Variants in RUNX1 observed in about 807,000 individuals in gnomAD.
The protein encoded by RUNX1 is runt-related transcription factor 1.
A neutral mutation model predicts 42.8 loss-of-function variants in RUNX1; 19 were observed. The ratio of observed to expected loss-of-function variants is 0.44; its 90% confidence interval spans 0.31 to 0.65. The LOEUF (loss-of-function observed/expected upper bound fraction) is 0.65. RUNX1 is among the 30% of genes least tolerant of loss of function. RUNX1 has a pLI of 0.07. For synonymous variants in RUNX1, 271 were observed against 289.4 expected, an observed-to-expected ratio of 0.94 and a Z score of 0.64; for missense variants, 528 against 672.0, an observed-to-expected ratio of 0.79 and a Z score of 2.37.
chr21:34,888,783 G>T, intron 3 of RUNX1: 1 of 713,328 alleles, frequency 1.4e-6, no homozygotes, highest in Non-Finnish European at 1.7e-6. Context: ...GCGGCCGGCG[G>T]CCAATCACAG....
chr21:34,803,958 A>G (rs2056644084), intron 7 of RUNX1, among the ~76,000 whole-genome samples: 1 of 152,228 alleles, frequency 6.6e-6, no homozygotes, highest in South Asian at 2.1e-4. Flanking sequence ...AAATTTAAAG[A>G]GCTTGAGAGT....
At chr21:34,918,340 C>T (rs141423972) in intron 2 of RUNX1, among the ~76,000 whole-genome samples, 60 of 152,090 alleles carry the variant, frequency 3.9e-4, no homozygotes, top group Middle Eastern at 3.4e-3. Context: ...TGACAATTGT[C>T]CCCTGGTCTG....
intron 2 of RUNX1, among the ~76,000 whole-genome samples, chr21:35,012,323 G>A (rs1378374429): frequency 2.0e-5 from 3 of 152,148 alleles, no homozygotes; most frequent in Non-Finnish European, 4.4e-5. Context: ...CTAGGATTAT[G>A]AGAGAAAAAC....
intron 2 of RUNX1, among the ~76,000 whole-genome samples, chr21:34,964,447 C>T (rs941369288): frequency 1.9e-4 from 28 of 150,246 alleles, no homozygotes; most frequent in Admixed American, 6.0e-4. Context: ...GAGATTGCAC[C>T]ACTGCACTCC....
chr21:34,880,092 C>T (rs1194183334), intron 5 of RUNX1, among the ~76,000 whole-genome samples: 1 of 152,178 alleles, frequency 6.6e-6, no homozygotes, highest in Non-Finnish European at 1.5e-5. Flanking sequence ...GTTTCAACAT[C>T]ATACACTAGA....
chr21:35,000,641 C>G (rs2059034939), intron 2 of RUNX1, among the ~76,000 whole-genome samples: 1 of 152,172 alleles, frequency 6.6e-6, no homozygotes, highest in South Asian at 2.1e-4. Flanking sequence ...AGGCAGATAG[C>G]TATTTTATTC....
chr21:35,011,690 A>G (rs1048187870), intron 2 of RUNX1, among the ~76,000 whole-genome samples: 2 of 152,236 alleles, frequency 1.3e-5, no homozygotes, highest in African/African-American at 4.8e-5. Context: ...TCACTTCAAC[A>G]GCGAGTGGAA....
At chr21:35,025,657 G>T (rs764854009) in intron 2 of RUNX1, among the ~76,000 whole-genome samples, 4 of 152,086 alleles carry the variant, frequency 2.6e-5, no homozygotes, top group Non-Finnish European at 5.9e-5. Flanking sequence ...TTAGGTCAAG[G>T]GGCCTTCAGC....
chr21:34,843,711 G>C lies in RUNX1; in HGVS notation c.614-9110C>G, dbSNP rs554294675. Among the ~76,000 whole-genome samples the C allele has an allele frequency of 6.6e-6, 1 of 152,204 alleles. No homozygotes were observed. Among genetic ancestry groups the C allele is most frequent in the South Asian group, 2.1e-4 (1 of 4,814 alleles). On this transcript the variant is annotated intron_variant, in intron 6 of 8. Transcript: ENST00000675419. This position sits in a 1 kb window ranked among gnomAD's most constrained non-coding sequence, Gnocchi z 4.8. ...TGCACCATGCGCCCAAGACTCACGG[G>C]ACAAAAACCCAAACAAAACTCTGCT...
intron 2 of RUNX1, among the ~76,000 whole-genome samples, chr21:34,941,046 C>G (rs879705777): frequency 6.6e-6 from 1 of 152,204 alleles, no homozygotes; most frequent in Admixed American, 6.5e-5. Context: ...GGTCTTTCCT[C>G]AGGTTCCTGT....
At chr21:34,897,937 G>A (rs974827028) in intron 2 of RUNX1, among the ~76,000 whole-genome samples, 1 of 152,170 alleles carries the variant, frequency 6.6e-6, no homozygotes, top group African/African-American at 2.4e-5. Context: ...GCAACAGAGA[G>A]ATTTTCCTGG....
At chr21:34,799,235 C>T (rs2056573172) in intron 8 of RUNX1, 66 bp downstream of exon 8, 1 of 1,547,516 alleles carries the variant, frequency 6.5e-7, no homozygotes, top group Admixed American at 1.7e-5. Flanking sequence ...CTCCTTCATG[C>T]ACCTCTAGTC....
chr21:35,013,662 A>C (rs894160632), intron 2 of RUNX1, among the ~76,000 whole-genome samples: 1 of 152,250 alleles, frequency 6.6e-6, no homozygotes, highest in Non-Finnish European at 1.5e-5. Flanking sequence ...CTTTCCAGAA[A>C]GGGCAATGTG....
chr21:34,915,052 T>G (rs1442710112), intron 2 of RUNX1, among the ~76,000 whole-genome samples: 1 of 152,202 alleles, frequency 6.6e-6, no homozygotes, highest in Non-Finnish European at 1.5e-5. Flanking sequence ...TAACGATTCC[T>G]CCTTTACAGC....
At chr21:34,872,692 G>C (rs1022321516) in intron 5 of RUNX1, among the ~76,000 whole-genome samples, 2 of 152,108 alleles carry the variant, frequency 1.3e-5, no homozygotes, top group African/African-American at 4.8e-5. Flanking sequence ...CGCATGACTG[G>C]AGCTAGATGA....
intron 2 of RUNX1, among the ~76,000 whole-genome samples, chr21:34,896,690 G>GAAAAT (rs1259187064): frequency 6.6e-6 from 1 of 151,796 alleles, no homozygotes; most frequent in African/African-American, 2.4e-5. Flanking sequence ...CTCATAAAAA[G>GAAAAT]AAAAGAAAAG....
intron 2 of RUNX1, among the ~76,000 whole-genome samples, chr21:34,971,860 T>C (rs1014582824): frequency 6.6e-6 from 1 of 152,182 alleles, no homozygotes; most frequent in Non-Finnish European, 1.5e-5. Context: ...GGTTCACCAG[T>C]GCCTAATAAA....
chr21:35,014,862 C>G (rs911209866), intron 2 of RUNX1, among the ~76,000 whole-genome samples: 4 of 152,274 alleles, frequency 2.6e-5, no homozygotes, highest in Non-Finnish European at 2.9e-5. Context: ...ATTGCGACTT[C>G]TCTGTTCGTC....
intron 2 of RUNX1, among the ~76,000 whole-genome samples, chr21:34,942,544 T>C (rs16992541): frequency 2.3e-3 from 356 of 152,352 alleles, no homozygotes; most frequent in African/African-American, 7.9e-3. Flanking sequence ...CTGGGCTTAA[T>C]TGATATTTCC....
Sources: gnomAD v4.1 joint callset for allele counts (sites outside exome capture counted in the v4.1 genomes callset) on GRCh38, gnomAD v4.1.1 for gene constraint, Gnocchi (gnomAD v3.1) non-coding constraint, MANE v1.5 for transcripts, NCBI Gene and HGNC (gene_info 2026-07-23, HGNC 2026-07-21) for gene names.